Variants in LMNB1 observed in about 807,000 individuals in gnomAD.
The protein encoded by LMNB1 is lamin-B1.
A neutral mutation model predicts 67.1 loss-of-function variants in LMNB1; 23 were observed. That is an observed-to-expected ratio of 0.34 (90% CI 0.25 to 0.49). LMNB1 has a LOEUF of 0.49. Among genes scored for constraint, LMNB1 ranks in the 20% least tolerant of loss-of-function variants. The pLI is 0.99. For synonymous variants in LMNB1, 281 were observed against 282.9 expected, an observed-to-expected ratio of 0.99 and a Z score of 0.07; for missense variants, 634 against 746.5, an observed-to-expected ratio of 0.85 and a Z score of 1.76.
chr5:126,817,153 T>C (rs1169165742), intron 5 of LMNB1, among the ~76,000 whole-genome samples: 4 of 152,250 alleles, frequency 2.6e-5, no homozygotes, highest in African/African-American at 9.6e-5. Context: ...AAGCTAATAC[T>C]GCAGTATTTA....
intron 3 of LMNB1, among the ~76,000 whole-genome samples, chr5:126,807,782 T>C (rs1368603632): frequency 2.6e-5 from 4 of 152,270 alleles, no homozygotes; most frequent in Admixed American, 2.6e-4. Flanking sequence ...TTAATATTTT[T>C]AGAGTGCATA....
At chr5:126,833,528 C>T (rs1351525564) in intron 10 of LMNB1, among the ~76,000 whole-genome samples, 1 of 152,140 alleles carries the variant, frequency 6.6e-6, no homozygotes, top group African/African-American at 2.4e-5. Context: ...ATATTTAACC[C>T]CCAGGGTTGA....
intron 9 of LMNB1, among the ~76,000 whole-genome samples, chr5:126,828,318 T>TC (rs1752046554): frequency 6.6e-6 from 1 of 152,302 alleles, no homozygotes; most frequent in East Asian, 1.9e-4. Flanking sequence ...ATTTTTTTTT[T>TC]CTCTGTGAAA....
In LMNB1 at chr5:126,804,778, A is replaced by T; in HGVS notation, c.362A>T (p.Tyr121Phe). ...TATGCTTTTTAAATCTGTTCCAGCT[A>T]TGCTAAGAAGGAATCTGATCTTAAT... ...KAEHDQLLLNYAKKESDLNGA... is the reference protein window; with the variant it reads ...KAEHDQLLLNFAKKESDLNGA... Residue 121 changes from tyrosine to phenylalanine, a missense_variant and splice_region_variant, in exon 2 of 11, where the codon TAT (tyrosine) becomes TTT (phenylalanine). Physicochemically the swap from Tyr to Phe is conservative, Grantham distance 22 (BLOSUM62 3). Transcript: ENST00000261366. 6.2e-7 allele frequency: 1 copy of T among 1,613,748 alleles called. No individual in the cohort carries two copies. Among genetic ancestry groups the T allele is most frequent in the South Asian group, 1.1e-5 (1 of 91,022 alleles).
intron 1 of LMNB1, among the ~76,000 whole-genome samples, chr5:126,800,977 A>AACTTTTTTTTT (rs1481273764): frequency 2.6e-5 from 1 of 38,268 alleles, no homozygotes; most frequent in African/African-American, 7.6e-5. Flanking sequence ...ATATATATAT[A>AACTTTTTTTTT]TATAATTTTT....
At chr5:126,829,251 T>C (rs1752072695) in intron 9 of LMNB1, among the ~76,000 whole-genome samples, 1 of 152,026 alleles carries the variant, frequency 6.6e-6, no homozygotes, top group African/African-American at 2.4e-5. Flanking sequence ...ATAGTGGACC[T>C]AATCCAGTGG....
At chr5:126,831,222 G>A (rs533077059) in intron 9 of LMNB1, among the ~76,000 whole-genome samples, 1 of 152,308 alleles carries the variant, frequency 6.6e-6, no homozygotes, top group South Asian at 2.1e-4. Context: ...GTAATATTGT[G>A]TCTTCCCCTG....
intron 5 of LMNB1, among the ~76,000 whole-genome samples, chr5:126,813,175 A>G (rs1751621078): frequency 1.3e-5 from 2 of 152,246 alleles, no homozygotes; most frequent in African/African-American, 2.4e-5. Context: ...GGGGTGATAT[A>G]AAATAATTTA....
intron 9 of LMNB1, among the ~76,000 whole-genome samples, chr5:126,828,855 C>T (rs114101889): frequency 0.026 from 3,933 of 152,000 alleles, 63 homozygotes; most frequent in Middle Eastern, 0.11. Flanking sequence ...CCACCATGCC[C>T]GGCCAAGGTT....
chr5:126,799,413 A>G (rs1281762497), intron 1 of LMNB1, among the ~76,000 whole-genome samples: 1 of 152,222 alleles, frequency 6.6e-6, no homozygotes, highest in Non-Finnish European at 1.5e-5. Context: ...AGGGCTCACA[A>G]GGTAAGGACA....
In LMNB1 at chr5:126,819,005, CAAAG is replaced by C. The variant is rs763314150; in HGVS notation, c.1025_1028del (p.Lys342ArgfsTer7). ...ACAACTCTCGTCGCATGCTGACAGA[CAAAG>C]AGAGAGAGATGGCGGAAATAAGGGA... On this transcript the variant is annotated frameshift_variant, in exon 6 of 11. Coordinates refer to ENST00000261366, the MANE Select transcript of LMNB1 (RefSeq NM_005573.4). LOFTEE classifies it high-confidence loss of function. 3.7e-6 allele frequency: 6 copies of C among 1,613,914 alleles called. No individual in the cohort carries two copies. Among genetic ancestry groups the C allele is most frequent in the Non-Finnish European group, 5.1e-6 (6 of 1,179,986 alleles).
intron 8 of LMNB1, among the ~76,000 whole-genome samples, chr5:126,823,873 C>T (rs563936122): frequency 6.6e-6 from 1 of 152,248 alleles, no homozygotes; most frequent in East Asian, 1.9e-4. Flanking sequence ...AAAAATTGCT[C>T]ACTATAGCAA....
Position 126,795,933 on chromosome 5 carries a change from CTTT to C in LMNB1, c.360-8829_360-8827del, listed in dbSNP as rs70997314. 8.5e-5 allele frequency among the ~76,000 whole-genome samples: 7 copies of C among 82,092 alleles called. No individual in the cohort carries two copies. The South Asian group carries it at 2.6e-3, about 30-fold the overall frequency. The allele number at this position is 82,092 out of a possible 152,430, so 53.9% of individuals were successfully genotyped here. A position where few individuals can be genotyped will look rare whatever the true frequency, so the allele number is the denominator to read the frequency against. On this transcript the variant is annotated intron_variant, in intron 1 of 10. Coordinates refer to ENST00000261366, the MANE Select transcript of LMNB1 (RefSeq NM_005573.4). The stretch of plus-strand genomic sequence containing the variant: ...GAGCCACTGCGCCTGGCCCAGGATG[CTTT>C]TTTTTTTTTTTTTGAGACGGAGTTT...
intron 1 of LMNB1, among the ~76,000 whole-genome samples, chr5:126,785,380 C>G (rs996217516): frequency 5.3e-5 from 8 of 151,736 alleles, no homozygotes; most frequent in African/African-American, 9.7e-5. Context: ...CAGCCTCTGC[C>G]TCCCGTGTTC....
At chr5:126,795,853 CTT>C (rs937307167) in intron 1 of LMNB1, among the ~76,000 whole-genome samples, 3 of 150,532 alleles carry the variant, frequency 2.0e-5, no homozygotes, top group African/African-American at 7.3e-5. Context: ...GTCTCAAACT[CTT>C]GACCTCATGA....
intron 1 of LMNB1, among the ~76,000 whole-genome samples, chr5:126,778,969 A>G (rs1046256045): frequency 2.6e-5 from 4 of 152,222 alleles, no homozygotes; most frequent in African/African-American, 9.6e-5. Flanking sequence ...GCCTGTCATC[A>G]GTAGGCAACA....
At chr5:126,793,749 G>A (rs1284111416) in intron 1 of LMNB1, among the ~76,000 whole-genome samples, 6 of 151,998 alleles carry the variant, frequency 3.9e-5, no homozygotes, top group South Asian at 2.1e-4. Context: ...AGTGTCGGGC[G>A]CCTGTAATCC....
At chr5:126,786,945 C>G in intron 1 of LMNB1, among the ~76,000 whole-genome samples, 1 of 152,106 alleles carries the variant, frequency 6.6e-6, no homozygotes, top group East Asian at 1.9e-4. Context: ...TTATTCCATG[C>G]CTTAATAATT....
chr5:126,782,448 A>G (rs149518921), intron 1 of LMNB1, among the ~76,000 whole-genome samples: 23 of 152,364 alleles, frequency 1.5e-4, no homozygotes, highest in Admixed American at 1.5e-3. Context: ...ACAGATTGAA[A>G]ATAGACCTGG....
Sources: allele counts gnomAD v4.1 joint callset (sites outside exome capture counted in the v4.1 genomes callset), GRCh38; gene constraint gnomAD v4.1.1; transcripts MANE v1.5; gene names NCBI Gene and HGNC (gene_info 2026-07-23, HGNC 2026-07-21).